Variants in FANCD2 observed in about 807,000 individuals in gnomAD.
FANCD2 encodes FA complementation group D2.
In FANCD2, 131 loss-of-function variants were observed where a neutral mutation model predicts 192.3. The observed-to-expected ratio is 0.68, with a 90% CI of 0.59 to 0.79. The LOEUF (loss-of-function observed/expected upper bound fraction) is 0.79. Among genes scored for constraint, FANCD2 ranks in the 30% least tolerant of loss-of-function variants. The pLI is 0.00. For missense variants in FANCD2, 1,508 were observed against 1,701.6 expected, an observed-to-expected ratio of 0.89 and a Z score of 2.00; for synonymous variants, 524 against 612.5, an observed-to-expected ratio of 0.86 and a Z score of 2.13.
intron 11 of FANCD2, 92 bp from the exon 12 acceptor site, chr3:10,042,948 TTCTTCCTCAG>T: frequency 9.5e-7 from 1 of 1,056,734 alleles, no homozygotes; most frequent in African/African-American, 1.6e-5. Context: ...TTAAATTTTT[TTCTTCCTCAG>T]TCTTTCAGGA....
intron 43 of FANCD2, among the ~76,000 whole-genome samples, chr3:10,099,955 TG>T (rs1445705328): frequency 6.6e-6 from 1 of 152,034 alleles, no homozygotes. Flanking sequence ...TAGCACTTTG[TG>T]AGGCTGAGGT....
Position 10,042,596 on chromosome 3 carries a change from G to T in FANCD2, c.821G>T (p.Arg274Ile). The change falls in exon 11 of 44, where the codon AGA becomes ATA. Residue 274 changes from arginine to isoleucine, a missense_variant. By Grantham distance (97) the Arg-to-Ile change is moderately conservative. Transcript: ENST00000675286. ...GTGATGGATAAGTTGTCGTCTATTA[G>T]ATTGGAGGATTTACCTGTGATAATA... is the stretch of plus-strand genomic sequence containing the variant. ...QLVMDKLSSI[R>I]LEDLPVIIKF... is the part of the protein sequence containing the mutation. 8.7e-6 allele frequency: 14 copies of T among 1,614,064 alleles called. No individual in the cohort carries two copies. Among genetic ancestry groups the T allele is most frequent in the Non-Finnish European group, 1.2e-5 (14 of 1,179,974 alleles).
chr3:10,058,647 A>T (rs145938983), intron 18 of FANCD2, among the ~76,000 whole-genome samples: 1 of 152,132 alleles, frequency 6.6e-6, no homozygotes, highest in Non-Finnish European at 1.5e-5. Context: ...TCAAAAATCA[A>T]TTTGTCACAT....
intron 18 of FANCD2, among the ~76,000 whole-genome samples, chr3:10,055,191 T>A (rs567942272): frequency 2.0e-5 from 3 of 152,332 alleles, no homozygotes; most frequent in South Asian, 2.1e-4. Context: ...ATAGACCGTT[T>A]AAGCTGTTTT....
rs1264647213 is a variant in FANCD2, at chr3:10,101,920, GTT to G, written c.*659_*660del. 3 of 181,862 alleles carry G rather than the reference GTT, an allele frequency of 1.6e-5. No homozygotes were observed. The highest frequency in any genetic ancestry group is 7.0e-5 in the African/African-American group (3 of 42,558). 11.3% of individuals were successfully genotyped at this position (181,862 alleles called of 1,614,324 possible). On this transcript the variant is annotated 3_prime_UTR_variant, in exon 44 of 44. Transcript: ENST00000675286. ...TGTACCAATTTTACAAATAAATTCT[GTT>G]CTAAGTTCTGCCTCAGTTGCCTCAT...
At chr3:10,055,745 G>T (rs2087390174) in intron 18 of FANCD2, among the ~76,000 whole-genome samples, 1 of 151,918 alleles carries the variant, frequency 6.6e-6, no homozygotes, top group South Asian at 2.1e-4. Flanking sequence ...CCGGGATACG[G>T]AGCTTGCAGT....
intron 43 of FANCD2, 58 bp downstream of exon 43, chr3:10,098,873 C>G: frequency 6.2e-7 from 1 of 1,614,156 alleles, no homozygotes; most frequent in Non-Finnish European, 8.5e-7. Context: ...GTTAATTGTT[C>G]TAAGTTGGTG....
At chr3:10,037,582 T>C (rs1374886338) in intron 7 of FANCD2, 1 of 152,212 alleles carries the variant, frequency 6.6e-6, no homozygotes, top group East Asian at 1.9e-4. Context: ...TATACTAAAA[T>C]TGGAACAATA....
intron 38 of FANCD2, among the ~76,000 whole-genome samples, chr3:10,092,940 C>T (rs1694741645): frequency 6.6e-6 from 1 of 152,036 alleles, no homozygotes. Flanking sequence ...GATCCACCAG[C>T]CTCAGCCTCC....
intron 34 of FANCD2, among the ~76,000 whole-genome samples, chr3:10,088,224 T>C (rs766723020): frequency 5.3e-5 from 8 of 152,078 alleles, no homozygotes; most frequent in Non-Finnish European, 1.0e-4. Flanking sequence ...CAAGATGGGG[T>C]TGGGGTGGGA....
At position 10,101,621 on chromosome 3, in the gene FANCD2, G is replaced by T. The variant is rs1695306393; in HGVS notation, c.*359G>T. 9.1e-6 allele frequency: 3 copies of T among 329,118 alleles called. No individual in the cohort carries two copies. The highest frequency in any genetic ancestry group is 4.6e-5 in the Admixed American group (1 of 21,592). 20.4% of individuals were successfully genotyped at this position (329,118 alleles called of 1,614,324 possible). On this transcript the variant is annotated 3_prime_UTR_variant, in exon 44 of 44. Coordinates refer to ENST00000675286, the MANE Select transcript of FANCD2 (RefSeq NM_001018115.3). ...GATGGTCTCAATCTCCTGAACTCAT[G>T]ATCCACCTGCCTCAGCCTCCCAAAG...
At position 10,046,699 on chromosome 3, in the gene FANCD2, G is replaced by T; in HGVS notation, c.1254G>T (p.Gln418His). ...RSGCIQEQLL[Q>H]STFSVHYLVL... ...GCTGCATTCAAGAACAGCTGCTCCA[G>T]AGTACATTCTCTGTTCATTACTTAG... Residue 418 changes from glutamine to histidine, a missense_variant, in exon 15 of 44, where the codon CAG becomes CAT. By Grantham distance (24) the Gln-to-His change is conservative. Coordinates refer to ENST00000675286, the MANE Select transcript of FANCD2 (RefSeq NM_001018115.3). 4 of 1,612,856 alleles carry T rather than the reference G, an allele frequency of 2.5e-6. No individual in the cohort carries two copies. Among genetic ancestry groups the T allele is most frequent in the Non-Finnish European group, 3.4e-6 (4 of 1,178,798 alleles).
chr3:10,065,105 G>A (rs899019700), intron 23 of FANCD2, among the ~76,000 whole-genome samples: 4 of 151,976 alleles, frequency 2.6e-5, no homozygotes, highest in South Asian at 2.1e-4. Flanking sequence ...TCTGGCCAAC[G>A]TGGCGAAACA....
intron 19 of FANCD2, among the ~76,000 whole-genome samples, chr3:10,061,370 TC>T (rs879570224): frequency 1.0e-3 from 157 of 152,266 alleles, no homozygotes; most frequent in African/African-American, 3.7e-3. Flanking sequence ...TAGTCATCAC[TC>T]CCCTGTGACA....
chr3:10,067,444 T>C (rs1261343874), intron 26 of FANCD2, 127 bp downstream of exon 26: 1 of 661,616 alleles, frequency 1.5e-6, no homozygotes, highest in Non-Finnish European at 2.8e-6. Flanking sequence ...CCAATATCCC[T>C]GATGAACATT....
At chr3:10,039,698 TC>T in intron 8 of FANCD2, 22 bp from the exon 9 acceptor site, 3 of 1,613,960 alleles carry the variant, frequency 1.9e-6, no homozygotes, top group Non-Finnish European at 1.7e-6. Context: ...GTGCTGCAGT[TC>T]TAATAGTGTC....
intron 7 of FANCD2, among the ~76,000 whole-genome samples, chr3:10,037,197 A>G (rs1053069110): frequency 5.9e-5 from 9 of 152,328 alleles, no homozygotes; most frequent in African/African-American, 1.9e-4. Context: ...GGTCATGAAC[A>G]GACAGTTTAC....
At chr3:10,080,241 G>A (rs942838963) in intron 30 of FANCD2, among the ~76,000 whole-genome samples, 37 of 150,002 alleles carry the variant, frequency 2.5e-4, no homozygotes, top group African/African-American at 8.6e-4. Context: ...TCACTATCGG[G>A]TCTACTTTTT....
intron 26 of FANCD2, among the ~76,000 whole-genome samples, chr3:10,069,514 C>G (rs1423892069): frequency 1.4e-5 from 2 of 146,486 alleles, no homozygotes; most frequent in African/African-American, 2.6e-5. Flanking sequence ...GATGCCGAGC[C>G]AAAGCTGGAC....
Sources: allele counts gnomAD v4.1 joint callset (sites outside exome capture counted in the v4.1 genomes callset), GRCh38; gene constraint gnomAD v4.1.1; transcripts MANE v1.5; gene names NCBI Gene and HGNC (gene_info 2026-07-23, HGNC 2026-07-21).